Variants in TRABD2B observed in about 807,000 individuals in gnomAD.
TRABD2B encodes the protein metalloprotease TIKI2.
In TRABD2B, 14 loss-of-function variants were observed where a neutral mutation model predicts 40.1. The ratio of observed to expected loss-of-function variants is 0.35; its 90% CI spans 0.23 to 0.55. The LOEUF (loss-of-function observed/expected upper bound fraction) is 0.55, where lower values mean the gene tolerates loss of function less well. Ranked by LOEUF, TRABD2B falls within the 20% of genes least tolerant of loss-of-function variation. The pLI, the probability that TRABD2B is intolerant of heterozygous loss-of-function variation, is 0.90. For synonymous variants in TRABD2B, 263 were observed against 277.0 expected, an observed-to-expected ratio of 0.95 and a Z score of 0.50; for missense variants, 541 against 648.6, an observed-to-expected ratio of 0.83 and a Z score of 1.80.
intron 2 of TRABD2B, among the ~76,000 whole-genome samples, chr1:47,861,303 T>C (rs1643966254): frequency 6.6e-6 from 1 of 152,100 alleles, no homozygotes; most frequent in Admixed American, 6.6e-5. Flanking sequence ...GGGGGTATGT[T>C]ATTGGCATCT....
At chr1:47,870,075 T>C (rs1278816103) in intron 2 of TRABD2B, among the ~76,000 whole-genome samples, 2 of 152,196 alleles carry the variant, frequency 1.3e-5, no homozygotes, top group African/African-American at 4.8e-5. Context: ...TGCCTTTGCC[T>C]ACCTGGCAAG....
At chr1:47,946,240 T>C (rs1003302342) in intron 2 of TRABD2B, among the ~76,000 whole-genome samples, 9 of 152,348 alleles carry the variant, frequency 5.9e-5, no homozygotes, top group Admixed American at 1.3e-4. Flanking sequence ...TTGTATTTGT[T>C]TTCTTATCAT....
intron 2 of TRABD2B, among the ~76,000 whole-genome samples, chr1:47,848,231 A>G (rs969823549): frequency 1.3e-5 from 2 of 152,226 alleles, no homozygotes; most frequent in Admixed American, 1.3e-4. Flanking sequence ...GGCTGAGAAA[A>G]GGGGGATACA....
At chr1:47,817,445 C>T (rs1032119422) in intron 2 of TRABD2B, among the ~76,000 whole-genome samples, 3 of 152,002 alleles carry the variant, frequency 2.0e-5, no homozygotes, top group Non-Finnish European at 4.4e-5. Context: ...TTCAAAATAC[C>T]TCCCCTTCCC....
chr1:47,992,497 A>G (rs1015918373), intron 2 of TRABD2B, among the ~76,000 whole-genome samples: 2 of 152,104 alleles, frequency 1.3e-5, no homozygotes, highest in Non-Finnish European at 2.9e-5. Flanking sequence ...GGTTGGTGCA[A>G]AGAGAGTGTT....
intron 2 of TRABD2B, among the ~76,000 whole-genome samples, chr1:47,937,426 T>G (rs748995838): frequency 6.6e-6 from 1 of 151,630 alleles, no homozygotes; most frequent in Non-Finnish European, 1.5e-5. Flanking sequence ...ATCATGATCA[T>G]CACCATCATC....
intron 2 of TRABD2B, among the ~76,000 whole-genome samples, chr1:47,868,952 C>T (rs1252716029): frequency 2.0e-5 from 3 of 152,168 alleles, no homozygotes; most frequent in Admixed American, 1.3e-4. Context: ...CTTCTTGGGT[C>T]CTCACTCTGG....
chr1:47,922,637 C>T (rs1189664395), intron 2 of TRABD2B, among the ~76,000 whole-genome samples: 2 of 152,178 alleles, frequency 1.3e-5, no homozygotes, highest in African/African-American at 2.4e-5. Context: ...TAATGATATG[C>T]ACCTTTGATT....
chr1:47,983,783 G>A (rs1645876747), intron 2 of TRABD2B, among the ~76,000 whole-genome samples: 1 of 151,500 alleles, frequency 6.6e-6, no homozygotes, highest in Non-Finnish European at 1.5e-5. Context: ...AGAGGAGCCA[G>A]GAACAGACTA....
At chr1:47,882,525 A>G (rs566763710) in intron 2 of TRABD2B, among the ~76,000 whole-genome samples, 40 of 152,202 alleles carry the variant, frequency 2.6e-4, no homozygotes, top group Admixed American at 2.0e-3. Flanking sequence ...ATGCAGGTCC[A>G]TCAGATGTTT....
chr1:47,907,552 G>A (rs768199184), intron 2 of TRABD2B, among the ~76,000 whole-genome samples: 11 of 152,150 alleles, frequency 7.2e-5, no homozygotes, highest in African/African-American at 9.7e-5. Context: ...AATAGGGAGG[G>A]GAACTGGGAT....
At chr1:47,939,455 A>C (rs1645157000) in intron 2 of TRABD2B, among the ~76,000 whole-genome samples, 1 of 152,216 alleles carries the variant, frequency 6.6e-6, no homozygotes, top group Admixed American at 6.5e-5. Flanking sequence ...AGTGAAGAAC[A>C]CTGATGAGAG....
intron 2 of TRABD2B, among the ~76,000 whole-genome samples, chr1:47,944,108 A>C (rs1357175773): frequency 6.6e-6 from 1 of 152,202 alleles, no homozygotes; most frequent in Non-Finnish European, 1.5e-5. Flanking sequence ...GGAGGAAGCT[A>C]CCTGGGGAAT....
rs1259338637 is a variant in TRABD2B, at chr1:47,997,265, T to TG, written c.-477dup. On this transcript the variant is annotated 5_prime_UTR_variant, in exon 1 of 7. Transcript: ENST00000606738. ...AGTGCGGCGGAAGGCGCGGCAGGGG[T>TG]GGGGGGCGGCTCTGGGGCGACCGGC... The TG allele has an allele frequency of 5.2e-6, 5 of 952,486 alleles. No homozygotes were observed. The highest frequency in any genetic ancestry group is 6.2e-6 in the Non-Finnish European group (5 of 809,864). 59.0% of individuals were successfully genotyped at this position (952,486 alleles called of 1,614,324 possible).
At chr1:47,943,481 A>ACAC (rs1645215291) in intron 2 of TRABD2B, among the ~76,000 whole-genome samples, 1 of 152,194 alleles carries the variant, frequency 6.6e-6, no homozygotes, top group East Asian at 1.9e-4. Context: ...CTAATGCAAG[A>ACAC]CCTTAGTTCC....
At chr1:47,913,844 G>C (rs1644794880) in intron 2 of TRABD2B, among the ~76,000 whole-genome samples, 1 of 152,090 alleles carries the variant, frequency 6.6e-6, no homozygotes, top group Non-Finnish European at 1.5e-5. Context: ...GCCTACACAG[G>C]AAAACTCATT....
chr1:47,992,340 T>A (rs1196892653), intron 2 of TRABD2B, among the ~76,000 whole-genome samples: 2 of 152,202 alleles, frequency 1.3e-5, no homozygotes, highest in Admixed American at 6.5e-5. Flanking sequence ...GTTTTCACCC[T>A]ACCAAAGCCA....
At chr1:47,803,951 C>A (rs1446888300) in intron 2 of TRABD2B, among the ~76,000 whole-genome samples, 1 of 152,210 alleles carries the variant, frequency 6.6e-6, no homozygotes, top group African/African-American at 2.4e-5. Flanking sequence ...TGGCAGCAGT[C>A]ACTTGGTTCA....
intron 2 of TRABD2B, among the ~76,000 whole-genome samples, chr1:47,923,915 T>TAC (rs60288001): frequency 1.7e-3 from 228 of 132,558 alleles, no homozygotes; most frequent in African/African-American, 5.6e-3. Context: ...CATACACACA[T>TAC]ACACACACAC....
Sources: allele counts gnomAD v4.1 joint callset (sites outside exome capture counted in the v4.1 genomes callset), GRCh38; gene constraint gnomAD v4.1.1; transcripts MANE v1.5; gene names NCBI Gene and HGNC (gene_info 2026-07-23, HGNC 2026-07-21).